SV2B: variants seen among roughly 807,000 people sequenced by gnomAD.
The protein encoded by SV2B is solute carrier family 22 member B2.
In SV2B, 41 loss-of-function variants were observed where a neutral mutation model predicts 73.9. The ratio of observed to expected loss-of-function variants is 0.56; its 90% CI spans 0.43 to 0.72. SV2B has a LOEUF of 0.72. Among genes scored for constraint, SV2B ranks in the 30% least tolerant of loss-of-function variants. The probability of loss-of-function intolerance (pLI) is 0.00; values close to 1 mark genes in which losing one functional copy is unlikely to be tolerated. For synonymous variants in SV2B, 314 were observed against 314.2 expected (o/e 1.00, Z 0.01); for missense variants, 764 against 857.8 (o/e 0.89, Z 1.37).
At chr15:91,212,733 C>T (rs2045908783) in intron 1 of SV2B, among the ~76,000 whole-genome samples, 1 of 151,874 alleles carries the variant, frequency 6.6e-6, no homozygotes, top group Non-Finnish European at 1.5e-5. Flanking sequence ...GTAGGAGAAT[C>T]GCTTGAGCCC....
At position 91,239,608 on chromosome 15, in the gene SV2B, G is replaced by T. The variant is rs991785479; in HGVS notation, c.452-12211G>T. 1.3e-5 allele frequency among the ~76,000 whole-genome samples: 2 copies of T among 152,082 alleles called. No individual in the cohort carries two copies. The highest frequency in any genetic ancestry group is 2.9e-5 in the Non-Finnish European group (2 of 68,010). On this transcript the variant is annotated intron_variant, in intron 2 of 12. Coordinates refer to ENST00000394232, the MANE Select transcript of SV2B (RefSeq NM_001323032.3). The surrounding 1 kb of genome is among the most constrained non-coding windows in gnomAD (Gnocchi z 5.1). ...AGAATTCTTCCCCCTGTGCCAAGTT[G>T]TCTTGCTGTTTGCTTGTGAGGGATG...
chr15:91,287,075 T>C (rs905347888), intron 11 of SV2B, among the ~76,000 whole-genome samples: 8 of 152,184 alleles, frequency 5.3e-5, no homozygotes, highest in Non-Finnish European at 1.5e-5. Flanking sequence ...GTCCTGTAGA[T>C]GCCAGTTTCC....
At chr15:91,184,940 C>T (rs1004834466) in intron 1 of SV2B, among the ~76,000 whole-genome samples, 1 of 152,338 alleles carries the variant, frequency 6.6e-6, no homozygotes, top group Non-Finnish European at 1.5e-5. Flanking sequence ...TATGAATCTA[C>T]TCCAAATGAG....
rs545902449 is a variant in SV2B at position 91,154,092 on chromosome 15, G to A, written c.-392+53729G>A. Among the ~76,000 whole-genome samples the A allele has an allele frequency of 4.8e-3, 705 of 146,554 alleles. 4 individuals carry two copies. Among genetic ancestry groups the A allele is most frequent in the African/African-American group, 0.017 (669 of 40,294 alleles). ...CTTTATATTATTTTATAGTATAAAT[G>A]TTAATTTATAATATAAATTATTTTA... is the stretch of plus-strand genomic sequence containing the variant. On this transcript the variant is annotated intron_variant, in intron 1 of 12. Transcript: ENST00000394232.
intron 10 of SV2B, among the ~76,000 whole-genome samples, chr15:91,282,973 T>C (rs145993923): frequency 1.3e-5 from 2 of 152,218 alleles, no homozygotes; most frequent in Non-Finnish European, 2.9e-5. Context: ...GCCTCCTCAT[T>C]TGAATACTCT....
rs903529305 is a variant in SV2B, at chr15:91,284,190, C to A, written c.1677C>A (p.Leu559=). The change falls in exon 11 of 13, where the codon CTC becomes CTA. Residue 559 remains leucine, a synonymous_variant. Transcript: ENST00000394232. This position sits in a 1 kb window ranked among gnomAD's most constrained non-coding sequence, Gnocchi z 4.5. ...CCGGGAACATCATTTCTGCCCTGCTCATGGATAGAATTGGAAGGCTCAAGA... is the reference window on the plus strand; with the variant it reads ...CCGGGAACATCATTTCTGCCCTGCTAATGGATAGAATTGGAAGGCTCAAGA... The part of the protein sequence containing the change: ...VLPGNIISAL[L]MDRIGRLKMI... 2 of 1,614,158 alleles carry A rather than the reference C, an allele frequency of 1.2e-6. No individual in the cohort carries two copies. Among genetic ancestry groups the A allele is most frequent in the South Asian group, 1.1e-5 (1 of 91,042 alleles).
At chr15:91,287,264 G>A (rs750004413) in intron 11 of SV2B, among the ~76,000 whole-genome samples, 3 of 152,224 alleles carry the variant, frequency 2.0e-5, no homozygotes, top group East Asian at 1.9e-4. Context: ...GCTGAGGACC[G>A]TCCCTGGGGA....
At chr15:91,183,443 G>C (rs552370155) in intron 1 of SV2B, among the ~76,000 whole-genome samples, 2 of 152,312 alleles carry the variant, frequency 1.3e-5, no homozygotes, top group East Asian at 3.9e-4. Flanking sequence ...GAACTGTCTA[G>C]ATAACTGGTT....
intron 1 of SV2B, among the ~76,000 whole-genome samples, chr15:91,158,712 TC>T (rs1205939396): frequency 1.0e-5 from 1 of 96,438 alleles, no homozygotes; most frequent in East Asian, 4.7e-4. Flanking sequence ...TCCTCTCCTC[TC>T]CTCTCCTCTC....
Position 91,251,800 on chromosome 15 carries a change from C to T in SV2B, c.452-19C>T, listed in dbSNP as rs144587459. The T allele has an allele frequency of 6.8e-6, 11 of 1,612,660 alleles. No individual in the cohort carries two copies. Among genetic ancestry groups the T allele is most frequent in the Admixed American group, 5.0e-5 (3 of 59,916 alleles). On this transcript the variant is annotated intron_variant, in intron 2 of 12. Transcript: ENST00000394232. The stretch of plus-strand genomic sequence containing the variant: ...TTGTCTTTTCTCTCTATTCTCTCCT[C>T]TCCTCCCCCTCATTGCAGGGATGAT...
chr15:91,232,072 G>A lies in SV2B; in HGVS notation c.451+5358G>A, dbSNP rs565594497. 3.3e-5 allele frequency among the ~76,000 whole-genome samples: 5 copies of A among 152,254 alleles called. No individual in the cohort carries two copies. In the South Asian group the frequency reaches 8.3e-4, roughly 25 times the overall value. On this transcript the variant is annotated intron_variant, in intron 2 of 12. Transcript: ENST00000394232. This position sits in a 1 kb window ranked among gnomAD's most constrained non-coding sequence, Gnocchi z 4.7. ...GGGCATAATATTTGATTTATGAGCCGTGTTTTCTTTAGGCCTAAATTCATT... is the reference window on the plus strand; with the variant it reads ...GGGCATAATATTTGATTTATGAGCCATGTTTTCTTTAGGCCTAAATTCATT...
In SV2B at chr15:91,125,945, G is replaced by A. The variant is rs988850777; in HGVS notation, c.-392+25582G>A. Reference sequence around the variant, plus strand: ...CAATAATGGTGGTGGTGATGATGATGATGATGATAGTTGATGTTTGTTGAG... The same window carrying A: ...CAATAATGGTGGTGGTGATGATGATAATGATGATAGTTGATGTTTGTTGAG... On this transcript the variant is annotated intron_variant, in intron 1 of 12. Coordinates refer to ENST00000394232, the MANE Select transcript of SV2B (RefSeq NM_001323032.3). Among the ~76,000 whole-genome samples the A allele has an allele frequency of 2.2e-4, 33 of 152,070 alleles. 1 individual carries two copies. The highest frequency in any genetic ancestry group is 4.4e-5 in the Non-Finnish European group (3 of 68,010).
Position 91,252,144 on chromosome 15 carries a change from C to G in SV2B, c.632+145C>G. 8.0e-7 allele frequency: 1 copy of G among 1,245,152 alleles called. No homozygotes were observed. Among genetic ancestry groups the G allele is most frequent in the Middle Eastern group, 2.2e-4 (1 of 4,492 alleles). The allele number at this position is 1,245,152 out of a possible 1,614,324, so 77.1% of individuals were successfully genotyped here. A position where few individuals can be genotyped will look rare whatever the true frequency, so the allele number is the denominator to read the frequency against. ...TCAGGATACTATATTAAAGTTGAACCTTAGAAAGAGTTAGGGTTAGGATTA... is the reference window on the plus strand; with the variant it reads ...TCAGGATACTATATTAAAGTTGAACGTTAGAAAGAGTTAGGGTTAGGATTA... On this transcript the variant is annotated intron_variant, in intron 3 of 12. Transcript: ENST00000394232. The surrounding 1 kb of genome is among the most constrained non-coding windows in gnomAD (Gnocchi z 4.6).
At chr15:91,230,390 T>C (rs1452404575) in intron 2 of SV2B, among the ~76,000 whole-genome samples, 1 of 152,220 alleles carries the variant, frequency 6.6e-6, no homozygotes, top group Non-Finnish European at 1.5e-5. Context: ...CATAGGATAT[T>C]TTGTTATTTT....
rs1472009933 is a variant in SV2B at position 91,289,138 on chromosome 15, G to T, written c.1709-383G>T. Among the ~76,000 whole-genome samples the T allele has an allele frequency of 1.3e-5, 2 of 152,192 alleles. No homozygotes were observed. The highest frequency in any genetic ancestry group is 1.5e-5 in the Non-Finnish European group (1 of 68,038). ...GACATCCTGGTTTCAAATCAAGACT[G>T]AGGTTTTTGTTTTTGTTTTTTGGCC... On this transcript the variant is annotated intron_variant, in intron 11 of 12. Coordinates refer to ENST00000394232, the MANE Select transcript of SV2B (RefSeq NM_001323032.3). This position sits in a 1 kb window ranked among gnomAD's most constrained non-coding sequence, Gnocchi z 4.9.
intron 1 of SV2B, among the ~76,000 whole-genome samples, chr15:91,191,275 A>T (rs1236374737): frequency 6.6e-6 from 1 of 151,642 alleles, no homozygotes; most frequent in Admixed American, 6.6e-5. Flanking sequence ...TCCCTCTTTG[A>T]TCAAACTTTG....
At chr15:91,275,529 AT>A (rs1172799700) in intron 9 of SV2B, among the ~76,000 whole-genome samples, 1 of 152,232 alleles carries the variant, frequency 6.6e-6, no homozygotes, top group Non-Finnish European at 1.5e-5. Context: ...ATGATTAAAA[AT>A]AGAAGAAAAA....
intron 4 of SV2B, among the ~76,000 whole-genome samples, chr15:91,255,263 A>G (rs1295174430): frequency 6.6e-6 from 1 of 152,250 alleles, no homozygotes; most frequent in Non-Finnish European, 1.5e-5. Flanking sequence ...TGTCCATGGC[A>G]GAGGGGCCCC....
intron 4 of SV2B, among the ~76,000 whole-genome samples, chr15:91,254,582 G>A (rs949265182): frequency 2.0e-5 from 3 of 152,156 alleles, no homozygotes; most frequent in Non-Finnish European, 4.4e-5. Flanking sequence ...TTTATGGAGG[G>A]AAGCAACTGA....
Sources: allele counts gnomAD v4.1 joint callset (sites outside exome capture counted in the v4.1 genomes callset), GRCh38; gene constraint gnomAD v4.1.1; non-coding constraint Gnocchi (gnomAD v3.1); transcripts MANE v1.5; gene names NCBI Gene and HGNC (gene_info 2026-07-23, HGNC 2026-07-21).